The following SLFN12L variants were observed in gnomAD, a reference collection of about 807,000 sequenced individuals.
The protein encoded by SLFN12L is schlafen family member 12 like.
Under a neutral mutation model 34.8 loss-of-function variants are expected in SLFN12L, and 34 were observed. The ratio of observed to expected loss-of-function variants is 0.98; its 90% CI spans 0.74 to 1.30. The LOEUF is 1.30. Among genes scored for constraint, SLFN12L ranks in the 50% most tolerant of loss-of-function variants. The pLI, the probability that SLFN12L is intolerant of heterozygous loss-of-function variation, is 0.00. For synonymous variants in SLFN12L, 259 were observed against 247.5 expected, an observed-to-expected ratio of 1.05 and a Z score of -0.44; for missense variants, 703 against 696.2, an observed-to-expected ratio of 1.01 and a Z score of -0.11.
intron 2 of SLFN12L, among the ~76,000 whole-genome samples, chr17:35,482,052 G>A (rs1914362436): frequency 6.6e-6 from 1 of 152,112 alleles, no homozygotes; most frequent in Admixed American, 6.5e-5. Flanking sequence ...AGTAGAGACA[G>A]CGTTTCACCA....
chr17:35,476,657 T>C (rs1331251968), intron 4 of SLFN12L, among the ~76,000 whole-genome samples: 1 of 151,926 alleles, frequency 6.6e-6, no homozygotes, highest in Non-Finnish European at 1.5e-5. Context: ...TCTTGGTAAA[T>C]ACCCCAGACT....
intron 2 of SLFN12L, among the ~76,000 whole-genome samples, chr17:35,493,562 A>G (rs561217331): frequency 6.6e-6 from 1 of 152,248 alleles, no homozygotes; most frequent in African/African-American, 2.4e-5. Flanking sequence ...CATGCCTAAG[A>G]TTTTTTCCAG....
chr17:35,534,620 G>A (rs35042707), intron 1 of SLFN12L, among the ~76,000 whole-genome samples: 1,625 of 152,276 alleles, frequency 0.011, 14 homozygotes, highest in Non-Finnish European at 0.018. Flanking sequence ...GAAGTAAGCC[G>A]AGGGACCTGG....
rs748366345 is a variant in SLFN12L, at chr17:35,467,712, G to A, written c.*7211C>T. 6.6e-6 allele frequency among the ~76,000 whole-genome samples: 1 copy of A among 152,068 alleles called. No individual in the cohort carries two copies. Among genetic ancestry groups the A allele is most frequent in the Non-Finnish European group, 1.5e-5 (1 of 68,010 alleles). On this transcript the variant is annotated 3_prime_UTR_variant, in exon 5 of 5. Coordinates refer to ENST00000628453, the MANE Select transcript of SLFN12L (RefSeq NM_001363830.2). ...CCCCCCCATCAGGAGGCCACAGCAG[G>A]TGTGTATATTCTCTGGGGTCCAATT...
intron 2 of SLFN12L, among the ~76,000 whole-genome samples, chr17:35,512,570 G>GTTA (rs1915688471): frequency 6.6e-6 from 1 of 152,066 alleles, no homozygotes; most frequent in Admixed American, 6.6e-5. Flanking sequence ...GTTTCACTGT[G>GTTA]TTAGCCAGGA....
In SLFN12L at chr17:35,474,970, GAAAC is replaced by G. The variant is rs532206571; in HGVS notation, c.1788_1791del (p.Leu596PhefsTer15). 309 of 1,553,238 alleles carry G rather than the reference GAAAC, an allele frequency of 2.0e-4. No homozygotes were observed. The highest frequency in any genetic ancestry group is 1.0e-3 in the Middle Eastern group (6 of 5,990). The stretch of plus-strand genomic sequence containing the variant: ...AACCAACAAACAAACAAACAAAAAC[GAAAC>G]AAACAAACAAACAAAAAGATTTGAT... On this transcript the variant is annotated frameshift_variant, in exon 5 of 5. Coordinates refer to ENST00000628453, the MANE Select transcript of SLFN12L (RefSeq NM_001363830.2). LOFTEE classifies it high-confidence loss of function.
chr17:35,492,238 A>G (rs1914864513), intron 2 of SLFN12L, among the ~76,000 whole-genome samples: 1 of 152,198 alleles, frequency 6.6e-6, no homozygotes, highest in Non-Finnish European at 1.5e-5. Flanking sequence ...TTGTCCCACC[A>G]TGCTTCCATT....
At position 35,474,269 on chromosome 17, in the gene SLFN12L, G is replaced by A. The variant is rs1380704890; in HGVS notation, c.*654C>T. 1 of 152,176 alleles carries A rather than the reference G, an allele frequency of 6.6e-6. No homozygotes were observed. Among genetic ancestry groups the A allele is most frequent in the Non-Finnish European group, 1.5e-5 (1 of 68,034 alleles). 9.4% of individuals were successfully genotyped at this position (152,176 alleles called of 1,614,324 possible). A position where few individuals can be genotyped will look rare whatever the true frequency, so the allele number is the denominator to read the frequency against. On this transcript the variant is annotated 3_prime_UTR_variant, in exon 5 of 5. Coordinates refer to ENST00000628453, the MANE Select transcript of SLFN12L (RefSeq NM_001363830.2). Reference sequence around the variant, plus strand: ...GAGAACTATGTTTTCCATGTCCATTGGATAAGAATGTCTGATATTTCCTTT... The same window carrying A: ...GAGAACTATGTTTTCCATGTCCATTAGATAAGAATGTCTGATATTTCCTTT...
chr17:35,492,282 G>A (rs955193409), intron 2 of SLFN12L, among the ~76,000 whole-genome samples: 2 of 152,164 alleles, frequency 1.3e-5, no homozygotes, highest in African/African-American at 4.8e-5. Flanking sequence ...AGTCAGTCCT[G>A]GGGCTTGCTG....
At chr17:35,523,733 G>A (rs538624635) in intron 1 of SLFN12L, among the ~76,000 whole-genome samples, 25 of 152,272 alleles carry the variant, frequency 1.6e-4, no homozygotes, top group African/African-American at 5.8e-4. Flanking sequence ...CCAGGAGTGC[G>A]AGACCAGCCT....
In SLFN12L at chr17:35,479,744, T is replaced by TG; in HGVS notation, c.537_538insC (p.Asn180GlnfsTer33). On this transcript the variant is annotated frameshift_variant, in exon 3 of 5. Coordinates refer to ENST00000628453, the MANE Select transcript of SLFN12L (RefSeq NM_001363830.2). LOFTEE classifies it high-confidence loss of function. ...AGGAACTCCAGTGCAGCAGAAGCAT[T>TG]CATGACTTTTGCAGACGTTACATCT... The TG allele has an allele frequency of 6.2e-7, 1 of 1,614,122 alleles. No individual in the cohort carries two copies.
intron 1 of SLFN12L, among the ~76,000 whole-genome samples, chr17:35,533,786 G>A (rs1419509297): frequency 6.6e-6 from 1 of 152,162 alleles, no homozygotes; most frequent in African/African-American, 2.4e-5. Context: ...TACCCTAAGA[G>A]TAATGGGAAG....
rs780993542 is a variant in SLFN12L, at chr17:35,479,281, ACTC to A, written c.998_1000del (p.Gly333del). Reference sequence around the variant, plus strand: ...TCCACAAAGCCTTCCTTTATCATATACTCCAAGGAATTTGCATAAGTAATTTAT... The same window carrying A: ...TCCACAAAGCCTTCCTTTATCATATACAAGGAATTTGCATAAGTAATTTAT... On this transcript the variant is annotated inframe_deletion, in exon 3 of 5. Coordinates refer to ENST00000628453, the MANE Select transcript of SLFN12L (RefSeq NM_001363830.2). 2.1e-5 allele frequency: 34 copies of A among 1,590,788 alleles called. No individual in the cohort carries two copies. Among genetic ancestry groups the A allele is most frequent in the Non-Finnish European group, 2.8e-5 (33 of 1,167,114 alleles).
chr17:35,480,184 A>G lies in SLFN12L; in HGVS notation c.98T>C (p.Leu33Pro), dbSNP rs1914269320. ...FLRNFIRKEFLRGNGLAAGKM... is the reference protein window; with the variant it reads ...FLRNFIRKEFPRGNGLAAGKM... Reference sequence around the variant, plus strand: ...CCCAGCAGCTAAGCCATTTCCACGCAGAAATTCTTTTCTGTAAAATAGAGC... The same window carrying G: ...CCCAGCAGCTAAGCCATTTCCACGCGGAAATTCTTTTCTGTAAAATAGAGC... The change falls in exon 3 of 5, where the codon CTG (leucine) becomes CCG (proline). Residue 33 changes from leucine to proline, a missense_variant. Leu to Pro is a moderately conservative substitution (Grantham distance 98). Transcript: ENST00000628453. The G allele has an allele frequency of 6.3e-7, 1 of 1,583,110 alleles. No individual in the cohort carries two copies. Among genetic ancestry groups the G allele is most frequent in the Non-Finnish European group, 8.6e-7 (1 of 1,165,664 alleles).
In SLFN12L at chr17:35,465,713, TACA is replaced by T. The variant is rs1400656244; in HGVS notation, c.*9207_*9209del. ...CAGCAGGCACCTCACGGTGGAGGAC[TACA>T]ACATTATTGCTGTGGTCTTGTCGAC... On this transcript the variant is annotated 3_prime_UTR_variant, in exon 5 of 5. Coordinates refer to ENST00000628453, the MANE Select transcript of SLFN12L (RefSeq NM_001363830.2). 6.6e-6 allele frequency among the ~76,000 whole-genome samples: 1 copy of T among 150,444 alleles called. No homozygotes were observed. Among genetic ancestry groups the T allele is most frequent in the African/African-American group, 2.5e-5 (1 of 40,736 alleles).
Position 35,475,176 on chromosome 17 carries a change from C to T in SLFN12L, c.1586G>A (p.Gly529Asp), listed in dbSNP as rs762048496. 6 of 1,613,986 alleles carry T rather than the reference C, an allele frequency of 3.7e-6. No individual in the cohort carries two copies. The highest frequency in any genetic ancestry group is 1.3e-5 in the African/African-American group (1 of 74,880). Residue 529 changes from glycine (G) to aspartate (D), a missense_variant, in exon 5 of 5, where the codon GGT becomes GAT. Coordinates refer to ENST00000628453, the MANE Select transcript of SLFN12L (RefSeq NM_001363830.2). ...CATGACACACACTTTTTTAGTGTAA[C>T]CACCAATTTTTGCCAGCTTCTGTTT... ...TLKQKLAKIGGYTKKVCVMTK... is the reference protein window; with the variant it reads ...TLKQKLAKIGDYTKKVCVMTK...
Position 35,474,690 on chromosome 17 carries a change from G to GTT in SLFN12L, c.*232_*233insAA. The stretch of plus-strand genomic sequence containing the variant: ...TACTCCTAGCACTTTGGGAGACCGG[G>GTT]GGGGGGGGTTGAATCACGAGGTCAG... On this transcript the variant is annotated 3_prime_UTR_variant, in exon 5 of 5. Transcript: ENST00000628453. 2.8e-6 allele frequency: 1 copy of GTT among 353,520 alleles called. No homozygotes were observed. The highest frequency in any genetic ancestry group is 5.0e-6 in the Non-Finnish European group (1 of 201,166). The allele number at this position is 353,520 out of a possible 1,614,324, so 21.9% of individuals were successfully genotyped here.
intron 2 of SLFN12L, chr17:35,490,346 A>G: frequency 7.3e-7 from 1 of 1,361,818 alleles, no homozygotes; most frequent in Non-Finnish European, 1.1e-6. Flanking sequence ...TACCTCAGAA[A>G]AAACACGGTA....
intron 2 of SLFN12L, among the ~76,000 whole-genome samples, chr17:35,481,544 GC>G (rs1253580563): frequency 6.6e-6 from 1 of 152,236 alleles, no homozygotes; most frequent in African/African-American, 2.4e-5. Flanking sequence ...ACAGGGAAGG[GC>G]CCCCTGTCCA....
Sources: gnomAD v4.1 joint callset for allele counts (sites outside exome capture counted in the v4.1 genomes callset) on GRCh38, gnomAD v4.1.1 for gene constraint, MANE v1.5 for transcripts, NCBI Gene and HGNC (gene_info 2026-07-23, HGNC 2026-07-21) for gene names.